VAV3: variants seen among roughly 807,000 people sequenced by gnomAD.
The protein encoded by VAV3 is guanine nucleotide exchange factor VAV3.
A neutral mutation model predicts 131.2 loss-of-function variants in VAV3; 94 were observed. That is an observed-to-expected ratio of 0.72 (90% CI 0.61 to 0.85). The LOEUF is 0.85. Ranked by LOEUF, VAV3 falls within the 40% of genes least tolerant of loss-of-function variation. The pLI is 0.00. For missense variants in VAV3, 939 were observed against 1,002.7 expected, an observed-to-expected ratio of 0.94 and a Z score of 0.86; for synonymous variants, 349 against 342.0, an observed-to-expected ratio of 1.02 and a Z score of -0.22.
At chr1:107,908,038 G>T (rs1239722351) in intron 1 of VAV3, among the ~76,000 whole-genome samples, 1 of 152,174 alleles carries the variant, frequency 6.6e-6, no homozygotes, top group Non-Finnish European at 1.5e-5. Context: ...GAAGGATGCT[G>T]CAGGGTATAT....
intron 25 of VAV3, among the ~76,000 whole-genome samples, chr1:107,577,211 G>A (rs185042938): frequency 6.6e-6 from 1 of 152,136 alleles, no homozygotes; most frequent in East Asian, 1.9e-4. Flanking sequence ...TAAGAGGAAG[G>A]TACTAATATT....
chr1:107,815,984 T>C (rs1667544712), intron 2 of VAV3, among the ~76,000 whole-genome samples: 1 of 152,118 alleles, frequency 6.6e-6, no homozygotes, highest in Non-Finnish European at 1.5e-5. Context: ...ATCCCTTGTA[T>C]GCGCAGTTGG....
intron 1 of VAV3, among the ~76,000 whole-genome samples, chr1:107,959,269 A>AT (rs1674967872): frequency 4.1e-5 from 5 of 121,688 alleles, no homozygotes; most frequent in Non-Finnish European, 8.1e-5. Flanking sequence ...TAAAAAATAA[A>AT]TAAATTAATT....
intron 19 of VAV3, among the ~76,000 whole-genome samples, chr1:107,659,909 T>C (rs1434261863): frequency 6.6e-6 from 1 of 152,176 alleles, no homozygotes; most frequent in Non-Finnish European, 1.5e-5. Context: ...ATCCGCACAA[T>C]GTTAATGAAT....
chr1:107,738,372 G>T (rs189544600), intron 15 of VAV3, among the ~76,000 whole-genome samples: 1 of 152,200 alleles, frequency 6.6e-6, no homozygotes, highest in Non-Finnish European at 1.5e-5. Context: ...GAAAAGAAAA[G>T]AAAATATATT....
intron 11 of VAV3, among the ~76,000 whole-genome samples, chr1:107,756,324 A>G (rs936808750): frequency 6.6e-6 from 1 of 152,088 alleles, no homozygotes; most frequent in African/African-American, 2.4e-5. Flanking sequence ...AACAGTAGGG[A>G]CAGAACTCTG....
At chr1:107,862,497 A>G (rs1669783201) in intron 2 of VAV3, among the ~76,000 whole-genome samples, 1 of 151,614 alleles carries the variant, frequency 6.6e-6, no homozygotes, top group Non-Finnish European at 1.5e-5. Context: ...CACAGGCACA[A>G]CAGTCAAAGG....
In VAV3 at chr1:107,749,010, T is replaced by G; in HGVS notation, c.1460A>C (p.Lys487Thr). Residue 487 changes from lysine to threonine, a missense_variant, in exon 15 of 27, where the codon AAA becomes ACA. By Grantham distance (78) the Lys-to-Thr change is moderately conservative (BLOSUM62 -1). Transcript: ENST00000370056. ...TTCTAGCCATTTCTTCTTTAAATCT[T>G]TTGTTTTGCAATAAAATTCTAACCC... ...QNGLEFYCKT[K>T]DLKKKWLEQF... is the part of the protein sequence containing the mutation. 6.2e-7 allele frequency: 1 copy of G among 1,612,458 alleles called. No homozygotes were observed. The highest frequency in any genetic ancestry group is 8.5e-7 in the Non-Finnish European group (1 of 1,179,270).
At chr1:107,789,650 G>A (rs1407041301) in intron 2 of VAV3, among the ~76,000 whole-genome samples, 1 of 152,150 alleles carries the variant, frequency 6.6e-6, no homozygotes, top group East Asian at 1.9e-4. Flanking sequence ...TGTAAGAAAT[G>A]TAGTTTCTGG....
chr1:107,670,338 C>A (rs769304221), intron 19 of VAV3, among the ~76,000 whole-genome samples: 6 of 152,154 alleles, frequency 3.9e-5, no homozygotes, highest in Non-Finnish European at 1.5e-5. Flanking sequence ...TCTCTCTGAT[C>A]CATGGGCCCA....
At chr1:107,876,266 G>A (rs951570697) in intron 1 of VAV3, among the ~76,000 whole-genome samples, 1 of 152,080 alleles carries the variant, frequency 6.6e-6, no homozygotes, top group Non-Finnish European at 1.5e-5. Context: ...TGAAAGTCAC[G>A]GGTACCTTGA....
intron 17 of VAV3, among the ~76,000 whole-genome samples, chr1:107,698,785 T>C (rs1659899144): frequency 6.6e-6 from 1 of 151,990 alleles, no homozygotes; most frequent in Non-Finnish European, 1.5e-5. Context: ...AAACTTACAA[T>C]CATGGCAGAA....
chr1:107,709,159 T>A (rs918258346), intron 15 of VAV3, among the ~76,000 whole-genome samples: 1 of 152,162 alleles, frequency 6.6e-6, no homozygotes, highest in African/African-American at 2.4e-5. Context: ...TCAGTAACTT[T>A]GTACCGCCCT....
At chr1:107,727,290 A>G (rs765563099) in intron 15 of VAV3, among the ~76,000 whole-genome samples, 1 of 152,224 alleles carries the variant, frequency 6.6e-6, no homozygotes, top group Non-Finnish European at 1.5e-5. Context: ...TTTAAGCTCC[A>G]CTAAAATGTC....
intron 15 of VAV3, among the ~76,000 whole-genome samples, chr1:107,726,109 C>T (rs114765441): frequency 0.014 from 2,080 of 152,224 alleles, 47 homozygotes; most frequent in African/African-American, 0.048. Context: ...TAATGTGTGA[C>T]AGCCTACCTT....
intron 1 of VAV3, among the ~76,000 whole-genome samples, chr1:107,938,718 T>C (rs1011972733): frequency 2.6e-5 from 4 of 152,232 alleles, no homozygotes; most frequent in African/African-American, 9.6e-5. Flanking sequence ...ACAAGTAGCT[T>C]TGATTACCTC....
intron 25 of VAV3, among the ~76,000 whole-genome samples, chr1:107,579,632 G>A (rs990395404): frequency 2.0e-5 from 3 of 152,160 alleles, no homozygotes; most frequent in African/African-American, 4.8e-5. Flanking sequence ...CCAGCCAAAT[G>A]GTCTTCTTGC....
intron 15 of VAV3, among the ~76,000 whole-genome samples, chr1:107,728,544 T>C (rs1284397659): frequency 6.6e-6 from 1 of 151,682 alleles, no homozygotes. Flanking sequence ...GGATTCTTTC[T>C]ATTACACTGC....
At chr1:107,878,000 T>C (rs79486457) in intron 1 of VAV3, among the ~76,000 whole-genome samples, 1 of 152,328 alleles carries the variant, frequency 6.6e-6, no homozygotes, top group East Asian at 1.9e-4. Context: ...GACTTTTGCT[T>C]TGCTTTTACC....
Sources: allele counts gnomAD v4.1 joint callset (sites outside exome capture counted in the v4.1 genomes callset), GRCh38; gene constraint gnomAD v4.1.1; transcripts MANE v1.5; gene names NCBI Gene and HGNC (gene_info 2026-07-23, HGNC 2026-07-21).